POLE2: variants seen among roughly 807,000 people sequenced by gnomAD.
POLE2 encodes DNA polymerase epsilon 2, accessory subunit.
Under a neutral mutation model 79.4 loss-of-function variants are expected in POLE2, and 56 were observed. The observed-to-expected ratio is 0.71, with a 90% CI of 0.57 to 0.88. The LOEUF (loss-of-function observed/expected upper bound fraction) is 0.88, where lower values mean the gene tolerates loss of function less well. Ranked by LOEUF, POLE2 falls within the 40% of genes least tolerant of loss-of-function variation. The probability of loss-of-function intolerance (pLI) is 0.00; values close to 1 mark genes in which losing one functional copy is unlikely to be tolerated. For missense variants in POLE2, 598 were observed against 638.9 expected (o/e 0.94, Z 0.69); for synonymous variants, 212 against 214.0 (o/e 0.99, Z 0.08).
intron 1 of POLE2, 55 bp downstream of exon 1, chr14:49,688,081 G>T: frequency 7.3e-7 from 1 of 1,376,350 alleles, no homozygotes; most frequent in South Asian, 1.2e-5. Context: ...GCCGCACCAG[G>T]CAGACGGGCC....
At position 49,682,615 on chromosome 14, in the gene POLE2, C is replaced by T. The variant is rs10220338; in HGVS notation, c.169+978G>A. On this transcript the variant is annotated intron_variant, in intron 2 of 18. Transcript: ENST00000216367. ...TAGCACCACTGCATTCCAGCCTGGG[C>T]GACAGTGCAAGACTCCTTCTCAGGG... is the stretch of plus-strand genomic sequence containing the variant. Among the ~76,000 whole-genome samples the T allele has an allele frequency of 6.6e-3, 815 of 124,054 alleles. 16 individuals carry two copies. Among genetic ancestry groups the T allele is most frequent in the African/African-American group, 0.025 (780 of 31,592 alleles). The allele number at this position is 124,054 out of a possible 152,430, so 81.4% of individuals were successfully genotyped here.
intron 17 of POLE2, among the ~76,000 whole-genome samples, chr14:49,649,652 T>C (rs913071703): frequency 4.6e-5 from 7 of 151,614 alleles, no homozygotes; most frequent in Admixed American, 6.6e-5. Context: ...GGTTTCACCA[T>C]GTTGGTCAGG....
chr14:49,645,427 A>G (rs1163226415), intron 18 of POLE2, among the ~76,000 whole-genome samples: 1 of 152,268 alleles, frequency 6.6e-6, no homozygotes, highest in Admixed American at 6.5e-5. Context: ...AGGCCAGATT[A>G]TTTCAATATA....
chr14:49,645,685 A>G (rs1216723541), intron 18 of POLE2, among the ~76,000 whole-genome samples: 3 of 152,126 alleles, frequency 2.0e-5, no homozygotes, highest in Non-Finnish European at 2.9e-5. Context: ...GTGTGGACCA[A>G]TCACAGTTCA....
At position 49,687,300 on chromosome 14, in the gene POLE2, CCACACACACACACACACACA is replaced by C. The variant is rs60811856; in HGVS notation, c.68+816_68+835del. On this transcript the variant is annotated intron_variant, in intron 1 of 18. Transcript: ENST00000216367. ...ATACATATATATATATACACACACA[CCACACACACACACACACACA>C]CACACACACACACACACGTACATAT... Among the ~76,000 whole-genome samples, 6 of 139,830 alleles carry C rather than the reference CCACACACACACACACACACA, an allele frequency of 4.3e-5. No homozygotes were observed. The East Asian group carries it at 1.0e-3, about 24-fold the overall frequency. 91.7% of individuals were successfully genotyped at this position (139,830 alleles called of 152,430 possible).
At chr14:49,658,733 G>C (rs887047540) in intron 10 of POLE2, among the ~76,000 whole-genome samples, 1 of 152,230 alleles carries the variant, frequency 6.6e-6, no homozygotes, top group African/African-American at 2.4e-5. Flanking sequence ...TGTGTCTGTA[G>C]AGACACTGGT....
At chr14:49,677,781 TG>T in intron 3 of POLE2, 1 of 884,580 alleles carries the variant, frequency 1.1e-6, no homozygotes. Context: ...TGGCAGCTCC[TG>T]GCCTCAATGA....
chr14:49,684,537 T>C (rs1381611013), intron 1 of POLE2: 1 of 150,880 alleles, frequency 6.6e-6, no homozygotes, highest in African/African-American at 2.4e-5. Context: ...TAAAATCACA[T>C]GAATTTGTGT....
At chr14:49,678,982 G>C (rs961686988) in intron 3 of POLE2, among the ~76,000 whole-genome samples, 1 of 152,020 alleles carries the variant, frequency 6.6e-6, no homozygotes, top group African/African-American at 2.4e-5. Context: ...AAATGAGTTT[G>C]CAAGGGTAAA....
chr14:49,664,661 C>T lies in POLE2; in HGVS notation c.647G>A (p.Gly216Asp). ...GACAAAGCATGCCTCTGTGTATAAA[C>T]CACTATGGAACTGGTACACAACAGT... is the stretch of plus-strand genomic sequence containing the variant. ...LDLSKAQFHS[G>D]LYTEACFVLA... The change falls in exon 9 of 19, where the codon GGT becomes GAT. Residue 216 changes from glycine (G) to aspartate (D), a missense_variant. By Grantham distance (94) the Gly-to-Asp change is moderately conservative. Transcript: ENST00000216367. 1 of 1,591,296 alleles carries T rather than the reference C, an allele frequency of 6.3e-7. No individual in the cohort carries two copies. Among genetic ancestry groups the T allele is most frequent in the Non-Finnish European group, 8.6e-7 (1 of 1,159,430 alleles).
intron 10 of POLE2, among the ~76,000 whole-genome samples, 177 bp from the exon 11 acceptor site, chr14:49,656,020 T>C (rs529079071): frequency 6.6e-6 from 1 of 152,272 alleles, no homozygotes; most frequent in East Asian, 1.9e-4. Flanking sequence ...ATAAGCAATA[T>C]GGAAGCAGTA....
intron 1 of POLE2, among the ~76,000 whole-genome samples, chr14:49,684,983 T>C (rs904268665): frequency 6.6e-6 from 1 of 151,686 alleles, no homozygotes; most frequent in African/African-American, 2.4e-5. Flanking sequence ...TCAAAAAAAA[T>C]AAATAAATAA....
rs1883545828 is a variant in POLE2, at chr14:49,643,564, C to G, written c.*88G>C. On this transcript the variant is annotated 3_prime_UTR_variant, in exon 19 of 19. Transcript: ENST00000216367. Reference sequence around the variant, plus strand: ...TTTAAGCAGAACATCCTAAAGTTTACCATAATTTTATTGTAATATCAGAAT... The same window carrying G: ...TTTAAGCAGAACATCCTAAAGTTTAGCATAATTTTATTGTAATATCAGAAT... 1 of 724,340 alleles carries G rather than the reference C, an allele frequency of 1.4e-6. No individual in the cohort carries two copies. The highest frequency in any genetic ancestry group is 2.3e-6 in the Non-Finnish European group (1 of 427,260). The allele number at this position is 724,340 out of a possible 1,614,324, so 44.9% of individuals were successfully genotyped here. A position where few individuals can be genotyped will look rare whatever the true frequency, so the allele number is the denominator to read the frequency against.
intron 1 of POLE2, among the ~76,000 whole-genome samples, chr14:49,684,924 C>T (rs1301891361): frequency 2.0e-5 from 3 of 152,012 alleles, no homozygotes; most frequent in Non-Finnish European, 4.4e-5. Context: ...TTGCAGTGAG[C>T]GGAGATCGGG....
intron 10 of POLE2, among the ~76,000 whole-genome samples, chr14:49,657,726 C>T (rs569372968): frequency 7.9e-5 from 12 of 152,286 alleles, no homozygotes; most frequent in African/African-American, 2.4e-4. Context: ...AGGCATGAGC[C>T]ACCACGCCCA....
intron 3 of POLE2, among the ~76,000 whole-genome samples, chr14:49,675,535 G>A (rs777401040): frequency 5.3e-5 from 8 of 151,552 alleles, no homozygotes; most frequent in South Asian, 2.1e-4. Flanking sequence ...GGCCTCAAGC[G>A]ATTCTCCCGC....
At chr14:49,654,639 A>G in intron 13 of POLE2, 145 bp downstream of exon 13, 1 of 948,986 alleles carries the variant, frequency 1.1e-6, no homozygotes, top group East Asian at 3.2e-5. Flanking sequence ...CAATGTGAGG[A>G]TAACTTTATC....
Position 49,647,293 on chromosome 14 carries a change from C to A in POLE2, c.1565G>T (p.Ser522Ile). 6.8e-7 allele frequency: 1 copy of A among 1,480,702 alleles called. No homozygotes were observed. Among genetic ancestry groups the A allele is most frequent in the Non-Finnish European group, 9.3e-7 (1 of 1,075,856 alleles). 91.7% of individuals were successfully genotyped at this position (1,480,702 alleles called of 1,614,324 possible). The change falls in exon 18 of 19, where the codon AGC (serine) becomes ATC (isoleucine). Residue 522 changes from serine to isoleucine, a missense_variant and splice_region_variant. Ser to Ile is a moderately radical substitution (Grantham distance 142). Transcript: ENST00000216367. ...FYPSNKTVED[S>I]KLQGF ...TTGCTGTGTCTGTGCACACACTTACCTATCTTCTACTGTCTTATTAGAAGG... is the reference window on the plus strand; with the variant it reads ...TTGCTGTGTCTGTGCACACACTTACATATCTTCTACTGTCTTATTAGAAGG...
rs1167242871 is a variant in POLE2 at position 49,654,430 on chromosome 14, A to G, written c.1074-216T>C. The G allele has an allele frequency of 7.9e-6, 4 of 503,812 alleles. No homozygotes were observed. The East Asian group carries it at 1.0e-4, about 13-fold the overall frequency. 31.2% of individuals were successfully genotyped at this position (503,812 alleles called of 1,614,324 possible). The stretch of plus-strand genomic sequence containing the variant: ...TCTGCACTGCCCAATTGAACACTTG[A>G]ATTGTGGCTAGCATAGCTGATGGAC... On this transcript the variant is annotated intron_variant, in intron 13 of 18. Coordinates refer to ENST00000216367, the MANE Select transcript of POLE2 (RefSeq NM_002692.4).
Sources: allele counts gnomAD v4.1 joint callset (sites outside exome capture counted in the v4.1 genomes callset), GRCh38; gene constraint gnomAD v4.1.1; transcripts MANE v1.5; gene names NCBI Gene and HGNC (gene_info 2026-07-23, HGNC 2026-07-21).